Variants in TMEM67 observed in about 807,000 individuals in gnomAD.
The protein encoded by TMEM67 is meckelin.
A neutral mutation model predicts 136.6 loss-of-function variants in TMEM67; 124 were observed. That is an observed-to-expected ratio of 0.91 (90% CI 0.78 to 1.05). The LOEUF (loss-of-function observed/expected upper bound fraction) is 1.05. Ranked by LOEUF, TMEM67 falls within the 50% of genes least tolerant of loss-of-function variation. The probability of loss-of-function intolerance (pLI) is 0.00; values close to 1 mark genes in which losing one functional copy is unlikely to be tolerated. For synonymous variants in TMEM67, 364 were observed against 390.5 expected, an observed-to-expected ratio of 0.93 and a Z score of 0.80; for missense variants, 1,107 against 1,178.4, an observed-to-expected ratio of 0.94 and a Z score of 0.89.
intron 7 of TMEM67, among the ~76,000 whole-genome samples, chr8:93,776,985 C>A (rs571204829): frequency 3.9e-5 from 6 of 152,134 alleles, no homozygotes; most frequent in Admixed American, 2.0e-4. Flanking sequence ...TGGTCCTGGA[C>A]TTTTTTTGGT....
At chr8:93,765,718 C>A in intron 6 of TMEM67, 72 bp downstream of exon 6, 1 of 989,182 alleles carries the variant, frequency 1.0e-6, no homozygotes, top group African/African-American at 1.6e-5. Flanking sequence ...TAATTTCAGG[C>A]TAGAATGAGA....
Position 93,780,539 on chromosome 8 carries a change from T to C in TMEM67, c.715-54T>C, listed in dbSNP as rs1205424726. On this transcript the variant is annotated intron_variant, in intron 7 of 27. Transcript: ENST00000453321. ...CAAAGTAAAATTTTTATATCAACTTTTGCATAGACTGTTCAGGTTCATGTT... is the reference window on the plus strand; with the variant it reads ...CAAAGTAAAATTTTTATATCAACTTCTGCATAGACTGTTCAGGTTCATGTT... 8 of 1,610,100 alleles carry C rather than the reference T, an allele frequency of 5.0e-6. No homozygotes were observed. The Admixed American group carries it at 6.7e-5, about 13-fold the overall frequency.
At chr8:93,760,256 G>T (rs1006378350) in intron 3 of TMEM67, among the ~76,000 whole-genome samples, 2 of 152,114 alleles carry the variant, frequency 1.3e-5, no homozygotes, top group African/African-American at 4.8e-5. Flanking sequence ...CAGATAATAT[G>T]CATGTTATAT....
At chr8:93,780,473 C>T in intron 7 of TMEM67, 120 bp from the exon 8 acceptor site, 1 of 1,008,984 alleles carries the variant, frequency 9.9e-7, no homozygotes, top group Non-Finnish European at 1.6e-6. Context: ...GAGCTGCAGA[C>T]CGGAGCTGTT....
chr8:93,803,070 T>A (rs963629563), intron 21 of TMEM67, among the ~76,000 whole-genome samples: 25 of 152,200 alleles, frequency 1.6e-4, no homozygotes, highest in Non-Finnish European at 2.6e-4. Flanking sequence ...ATGTACCATG[T>A]AAAATTTTTA....
intron 21 of TMEM67, among the ~76,000 whole-genome samples, chr8:93,801,951 A>G (rs1814888843): frequency 1.3e-5 from 2 of 152,234 alleles, no homozygotes; most frequent in Admixed American, 1.3e-4. Context: ...AATATTTTGT[A>G]CAATATACCG....
intron 21 of TMEM67, 102 bp from the exon 22 acceptor site, chr8:93,803,501 GC>G (rs1814956871): frequency 2.8e-6 from 2 of 716,336 alleles, no homozygotes; most frequent in East Asian, 5.4e-5. Context: ...AGGCCACTGT[GC>G]TTTTGGTTGG....
the TMEM67 span, among the ~76,000 whole-genome samples, chr8:93,824,403 T>TA: frequency 3.3e-5 from 5 of 152,246 alleles, no homozygotes; most frequent in Admixed American, 6.5e-5. Flanking sequence ...ATTTTAGCTT[T>TA]AACTCCCGGA....
intron 12 of TMEM67, 85 bp downstream of exon 12, chr8:93,785,463 A>T: frequency 7.4e-7 from 1 of 1,353,428 alleles, no homozygotes; most frequent in Non-Finnish European, 1.0e-6. Flanking sequence ...TAAACCACTG[A>T]TTATAAGAAA....
At chr8:93,763,268 A>T (rs532415235) in intron 3 of TMEM67, among the ~76,000 whole-genome samples, 6 of 152,294 alleles carry the variant, frequency 3.9e-5, no homozygotes, top group African/African-American at 1.4e-4. Context: ...AGTATTTTGT[A>T]GCATGGATAT....
intron 25 of TMEM67, 37 bp downstream of exon 25, chr8:93,809,198 A>T (rs370101885): frequency 9.5e-6 from 12 of 1,261,040 alleles, no homozygotes; most frequent in Non-Finnish European, 1.4e-5. Flanking sequence ...GCTGGGATCA[A>T]ATGCAATTTT....
chr8:93,768,927 T>C (rs1021893452), intron 6 of TMEM67, among the ~76,000 whole-genome samples: 1 of 152,000 alleles, frequency 6.6e-6, no homozygotes, highest in African/African-American at 2.4e-5. Context: ...GTATTTCATT[T>C]AAACATACCA....
downstream of TMEM67, among the ~76,000 whole-genome samples, chr8:93,821,887 C>A (rs550444314): frequency 1.3e-4 from 20 of 152,184 alleles, no homozygotes; most frequent in African/African-American, 4.8e-4. Flanking sequence ...CACAGTGAGA[C>A]CCTGTCTGTC....
Position 93,810,448 on chromosome 8 carries a change from CAGGCACATATAGTCCCAGTTACTTGGG to C in TMEM67, c.2764+566_2764+592del, listed in dbSNP as rs1344187635. ...TACAAAACTTAGCCAGGCATGGTGG[CAGGCACATATAGTCCCAGTTACTTGGG>C]AGGCTGAGGCAGGAGAATGGCTTGA... On this transcript the variant is annotated intron_variant, in intron 26 of 27. Coordinates refer to ENST00000453321, the MANE Select transcript of TMEM67 (RefSeq NM_153704.6). Among the ~76,000 whole-genome samples, 3 of 151,884 alleles carry C rather than the reference CAGGCACATATAGTCCCAGTTACTTGGG, an allele frequency of 2.0e-5. No homozygotes were observed. In the South Asian group the frequency reaches 6.2e-4, roughly 31 times the overall value.
At chr8:93,780,781 G>A (rs1482902975) in intron 8 of TMEM67, 34 bp downstream of exon 8, 2 of 1,612,032 alleles carry the variant, frequency 1.2e-6, no homozygotes, top group Non-Finnish European at 1.7e-6. Flanking sequence ...ATGTTATTTT[G>A]ACTGAATTCA....
Position 93,803,667 on chromosome 8 carries a change from T to G in TMEM67, c.2305T>G (p.Leu769Val), listed in dbSNP as rs535621512. Residue 769 changes from leucine (L) to valine (V), a missense_variant, in exon 22 of 28, where the codon TTA becomes GTA. Physicochemically the swap from Leu to Val is conservative, Grantham distance 32. Around this residue, in one of 3 missense-constraint regions of TMEM67, gnomAD observed 925 missense variants for 1,002.4 expected, o/e 0.92. Transcript: ENST00000453321. Reference sequence around the variant, plus strand: ...AGATAAAATTCGACAGTTCGTTGATTTATGCTCTATGAGTAATGTAAGTAC... The same window carrying G: ...AGATAAAATTCGACAGTTCGTTGATGTATGCTCTATGAGTAATGTAAGTAC... ...IEDKIRQFVD[L>V]CSMSNISVFL... is the part of the protein sequence containing the mutation. The G allele has an allele frequency of 6.3e-7, 1 of 1,584,586 alleles. No homozygotes were observed. Among genetic ancestry groups the G allele is most frequent in the South Asian group, 1.1e-5 (1 of 90,404 alleles).
chr8:93,765,637 T>C lies in TMEM67; in HGVS notation c.642T>C (p.Tyr214=). 2 of 1,610,674 alleles carry C rather than the reference T, an allele frequency of 1.2e-6. No individual in the cohort carries two copies. Among genetic ancestry groups the C allele is most frequent in the Non-Finnish European group, 1.7e-6 (2 of 1,176,820 alleles). ...FPLRRISAAR[Y]GEVGMSLTSE... Reference sequence around the variant, plus strand: ...TACGTAGAATTTCAGCTGCACGTTATGGAGAAGTTGTGAGTATGTTTCAAT... The same window carrying C: ...TACGTAGAATTTCAGCTGCACGTTACGGAGAAGTTGTGAGTATGTTTCAAT... Residue 214 remains tyrosine, a synonymous_variant, in exon 6 of 28, where the codon TAT becomes TAC. Coordinates refer to ENST00000453321, the MANE Select transcript of TMEM67 (RefSeq NM_153704.6).
the TMEM67 span, among the ~76,000 whole-genome samples, chr8:93,826,608 T>C: frequency 6.6e-6 from 1 of 152,226 alleles, no homozygotes; most frequent in African/African-American, 2.4e-5. Context: ...TCTCTGTTGA[T>C]AACTAGACCT....
intron 15 of TMEM67, chr8:93,792,005 G>C: frequency 6.3e-6 from 1 of 157,528 alleles, no homozygotes; most frequent in South Asian, 1.9e-4. Context: ...GGGATTACAG[G>C]CATGTGTCAC....
Sources: allele counts gnomAD v4.1 joint callset (sites outside exome capture counted in the v4.1 genomes callset), GRCh38; gene constraint gnomAD v4.1.1; regional missense constraint gnomAD v4.1.1; transcripts MANE v1.5; gene names NCBI Gene and HGNC (gene_info 2026-07-23, HGNC 2026-07-21).